JAM2: variants seen among roughly 807,000 people sequenced by gnomAD.
JAM2 encodes junctional adhesion molecule B.
Under a neutral mutation model 42.0 loss-of-function variants are expected in JAM2, and 17 were observed. The observed-to-expected ratio is 0.40, with a 90% CI of 0.28 to 0.61. The LOEUF (loss-of-function observed/expected upper bound fraction) is 0.61, where lower values mean the gene tolerates loss of function less well. Among genes scored for constraint, JAM2 ranks in the 20% least tolerant of loss-of-function variants. The pLI, the probability that JAM2 is intolerant of heterozygous loss-of-function variation, is 0.37. For synonymous variants in JAM2, 118 were observed against 128.6 expected (o/e 0.92, Z 0.56); for missense variants, 319 against 358.3 (o/e 0.89, Z 0.89).
intron 1 of JAM2, among the ~76,000 whole-genome samples, chr21:25,668,964 G>A (rs562243260): frequency 2.0e-5 from 3 of 152,252 alleles, no homozygotes; most frequent in Admixed American, 6.5e-5. Flanking sequence ...TACAGAGGAC[G>A]AGACACAGCC....
intron 1 of JAM2, among the ~76,000 whole-genome samples, chr21:25,647,369 A>G (rs1032034897): frequency 3.3e-5 from 5 of 152,190 alleles, no homozygotes; most frequent in African/African-American, 9.7e-5. Flanking sequence ...ATATATAAGC[A>G]TACTCTTATA....
chr21:25,665,581 G>T (rs1003774390), intron 1 of JAM2, among the ~76,000 whole-genome samples: 1 of 152,180 alleles, frequency 6.6e-6, no homozygotes, highest in Non-Finnish European at 1.5e-5. Context: ...AGGCAAGCAA[G>T]CTACAGACCC....
chr21:25,679,337 A>T (rs1253821420), intron 1 of JAM2, among the ~76,000 whole-genome samples: 1 of 152,210 alleles, frequency 6.6e-6, no homozygotes, highest in Non-Finnish European at 1.5e-5. Flanking sequence ...AAATCCTAGA[A>T]TTCATGGTTC....
At chr21:25,682,563 G>T (rs1026418667) in intron 1 of JAM2, among the ~76,000 whole-genome samples, 1 of 152,216 alleles carries the variant, frequency 6.6e-6, no homozygotes, top group Non-Finnish European at 1.5e-5. Flanking sequence ...AGGAGCCCAT[G>T]TGGGTGTGTG....
intron 1 of JAM2, among the ~76,000 whole-genome samples, chr21:25,670,040 C>G (rs539718436): frequency 2.0e-4 from 31 of 152,296 alleles, no homozygotes; most frequent in Admixed American, 2.0e-3. Flanking sequence ...TTGGTAGATT[C>G]TGTCATAAAT....
chr21:25,654,031 T>G (rs1057378298), intron 1 of JAM2, among the ~76,000 whole-genome samples: 1 of 152,226 alleles, frequency 6.6e-6, no homozygotes, highest in Non-Finnish European at 1.5e-5. Context: ...TAGAATTAAC[T>G]AGGTCAGTTA....
chr21:25,695,095 G>C (rs1464634689), intron 4 of JAM2, among the ~76,000 whole-genome samples: 1 of 152,018 alleles, frequency 6.6e-6, no homozygotes, highest in Non-Finnish European at 1.5e-5. Context: ...GTGAACAAGG[G>C]TCTTTGGTTT....
intron 1 of JAM2, among the ~76,000 whole-genome samples, chr21:25,676,990 TA>T (rs1222347424): frequency 1.3e-5 from 2 of 152,178 alleles, no homozygotes; most frequent in Non-Finnish European, 2.9e-5. Context: ...CCATACATTT[TA>T]AATATTTTTA....
intron 1 of JAM2, among the ~76,000 whole-genome samples, chr21:25,662,961 A>G (rs1311298978): frequency 6.6e-6 from 1 of 152,242 alleles, no homozygotes; most frequent in East Asian, 1.9e-4. Context: ...AAAGTCTTAT[A>G]AAAAGTACTA....
chr21:25,695,797 G>C (rs1157089204), intron 4 of JAM2, among the ~76,000 whole-genome samples: 3 of 150,932 alleles, frequency 2.0e-5, no homozygotes, highest in Non-Finnish European at 4.4e-5. Flanking sequence ...ACGGGGTCGC[G>C]GCCGGGCAGA....
intron 4 of JAM2, among the ~76,000 whole-genome samples, chr21:25,696,866 G>T (rs894348572): frequency 6.6e-6 from 1 of 152,094 alleles, no homozygotes; most frequent in East Asian, 1.9e-4. Flanking sequence ...TCAAATTCTT[G>T]TACTTCATTT....
intron 8 of JAM2, chr21:25,709,758 T>C (rs991509725): frequency 4.0e-6 from 1 of 248,932 alleles, no homozygotes; most frequent in Non-Finnish European, 7.7e-6. Context: ...TACTCATGGC[T>C]GAAGGCAAAG....
intron 7 of JAM2, among the ~76,000 whole-genome samples, chr21:25,708,201 A>T (rs2034310315): frequency 6.6e-6 from 1 of 152,148 alleles, no homozygotes. Flanking sequence ...TGTGTTCCTA[A>T]TAATACCTAC....
intron 9 of JAM2, chr21:25,714,215 T>C (rs1568923217): frequency 2.3e-6 from 3 of 1,302,334 alleles, no homozygotes; most frequent in Admixed American, 4.6e-5. Flanking sequence ...ATTAAATATA[T>C]ACTGGTTTTG....
chr21:25,645,541 G>A (rs1160399627), intron 1 of JAM2, among the ~76,000 whole-genome samples: 4 of 152,186 alleles, frequency 2.6e-5, no homozygotes, highest in Non-Finnish European at 5.9e-5. Flanking sequence ...GAAGTTATTG[G>A]AGTAGTCCAG....
At chr21:25,641,536 A>G (rs930551287) in intron 1 of JAM2, among the ~76,000 whole-genome samples, 3 of 151,690 alleles carry the variant, frequency 2.0e-5, no homozygotes, top group Non-Finnish European at 4.4e-5. Flanking sequence ...ACTTTTCTAT[A>G]TTGTTCCTGG....
intron 5 of JAM2, among the ~76,000 whole-genome samples, chr21:25,700,375 T>G (rs1442376132): frequency 6.6e-6 from 1 of 152,162 alleles, no homozygotes; most frequent in African/African-American, 2.4e-5. Flanking sequence ...TTAAAAATGT[T>G]TTTGAGACAG....
chr21:25,644,099 G>A lies in JAM2; in HGVS notation c.67+4211G>A, dbSNP rs1020425640. 2.0e-5 allele frequency: 3 copies of A among 152,244 alleles called. No individual in the cohort carries two copies. In the East Asian group the frequency reaches 5.8e-4, roughly 29 times the overall value. 9.4% of individuals were successfully genotyped at this position (152,244 alleles called of 1,614,324 possible). On this transcript the variant is annotated intron_variant, in intron 1 of 9. Transcript: ENST00000480456. ...ATGTTTTGAGGAAGATGGTGGTGAAGATGGAAAAGGGGAATCAGAACCTGG... is the reference window on the plus strand; with the variant it reads ...ATGTTTTGAGGAAGATGGTGGTGAAAATGGAAAAGGGGAATCAGAACCTGG...
chr21:25,666,316 T>C (rs2033219416), intron 1 of JAM2, among the ~76,000 whole-genome samples: 1 of 62,784 alleles, frequency 1.6e-5, no homozygotes, highest in South Asian at 6.6e-4. Context: ...GTTACGGCTT[T>C]TATTATTATT....
Sources: allele counts gnomAD v4.1 joint callset (sites outside exome capture counted in the v4.1 genomes callset), GRCh38; gene constraint gnomAD v4.1.1; transcripts MANE v1.5; gene names NCBI Gene and HGNC (gene_info 2026-07-23, HGNC 2026-07-21).